The following IL17B variants were observed in gnomAD, a reference collection of about 807,000 sequenced individuals.
The protein encoded by IL17B is interleukin 17B, also known as interleukin-17B.
Under a neutral mutation model 14.7 loss-of-function variants are expected in IL17B, and 14 were observed. The observed-to-expected ratio is 0.95, with a 90% CI of 0.63 to 1.49. IL17B has a LOEUF of 1.49. Among genes scored for constraint, IL17B ranks in the 40% most tolerant of loss-of-function variants. IL17B has a pLI of 0.00. For missense variants in IL17B, 233 were observed against 252.8 expected, an observed-to-expected ratio of 0.92 and a Z score of 0.53; for synonymous variants, 105 against 94.8, an observed-to-expected ratio of 1.11 and a Z score of -0.62.
At chr5:149,387,402 A>G (rs1758846442) in intron 1 of IL17B, among the ~76,000 whole-genome samples, 1 of 152,224 alleles carries the variant, frequency 6.6e-6, no homozygotes, top group Non-Finnish European at 1.5e-5. Flanking sequence ...GTGTCCAGCC[A>G]AGGACCCACG....
intron 1 of IL17B, among the ~76,000 whole-genome samples, chr5:149,398,767 A>T (rs1347888960): frequency 4.6e-5 from 7 of 152,200 alleles, no homozygotes; most frequent in Admixed American, 2.6e-4. Context: ...TTTGCTGGGC[A>T]TGGTGGCAGG....
intron 1 of IL17B, among the ~76,000 whole-genome samples, chr5:149,390,630 C>CACACAGAGAG (rs1491235916): frequency 2.5e-4 from 33 of 132,080 alleles, no homozygotes; most frequent in Admixed American, 8.5e-4. Flanking sequence ...CACACACACA[C>CACACAGAGAG]AGAGATACAC....
In IL17B at chr5:149,374,377, T is replaced by C. The variant is rs774894146; in HGVS notation, c.535A>G (p.Ile179Val). Residue 179 changes from isoleucine to valine, a missense_variant, in exon 3 of 3, where the codon ATC (isoleucine) becomes GTC (valine). Transcript: ENST00000261796. The surrounding 1 kb of genome is among the most constrained non-coding windows in gnomAD (Gnocchi z 5.0). ...METIAVGCTC[I>V]F ...CTTCTGGGCCAGGTGATTCAGAAGA[T>C]GCAGGTGCAGCCCACAGCGATGGTC... is the stretch of plus-strand genomic sequence containing the variant. 6.4e-7 allele frequency: 1 copy of C among 1,571,196 alleles called. No individual in the cohort carries two copies.
intron 1 of IL17B, among the ~76,000 whole-genome samples, chr5:149,400,891 A>AAG (rs1334377880): frequency 6.6e-6 from 1 of 152,152 alleles, no homozygotes; most frequent in Non-Finnish European, 1.5e-5. Context: ...CCAGCTCAAG[A>AAG]AGAGAGAATT....
At chr5:149,376,459 A>G (rs1758538051) in intron 2 of IL17B, among the ~76,000 whole-genome samples, 1 of 152,250 alleles carries the variant, frequency 6.6e-6, no homozygotes, top group African/African-American at 2.4e-5. Flanking sequence ...AGGCACTTCC[A>G]TGGAGACTTG....
intron 1 of IL17B, among the ~76,000 whole-genome samples, chr5:149,400,595 C>T (rs926605902): frequency 6.6e-6 from 1 of 152,196 alleles, no homozygotes; most frequent in Non-Finnish European, 1.5e-5. Flanking sequence ...AGTGGAGCTC[C>T]CCCTCCAGAG....
rs75556495 is a variant in IL17B, at chr5:149,376,709, A to G, written c.311+27T>C. The stretch of plus-strand genomic sequence containing the variant: ...CAGGAAAGGTCCCCACCCCCCAAAG[A>G]CAGCTTGCCACCACTGCCCAGCCTA... On this transcript the variant is annotated intron_variant, in intron 2 of 2. Transcript: ENST00000261796. 1.6e-3 allele frequency: 2,559 copies of G among 1,575,034 alleles called. 51 individuals carry two copies. The East Asian group carries it at 0.047, about 29-fold the overall frequency.
At chr5:149,380,914 T>C (rs1221373086), upstream of IL17B, among the ~76,000 whole-genome samples, 1 of 152,216 alleles carries the variant, frequency 6.6e-6, no homozygotes, top group African/African-American at 2.4e-5. Flanking sequence ...GGCTCTATTC[T>C]ACCGTTGGAA....
intron 1 of IL17B, among the ~76,000 whole-genome samples, chr5:149,403,596 T>C (rs1759256959): frequency 6.6e-6 from 1 of 152,228 alleles, no homozygotes; most frequent in Non-Finnish European, 1.5e-5. Flanking sequence ...ATAAAATTGT[T>C]TCCCAACTGG....
rs534423128 is a variant in IL17B, at chr5:149,398,679, G to A, written n.95+5429C>T. ...CCCAGCACTTTGGGAGGTGGAGGTGGGCAGATCATCTGAGGTCAGGAGTTC... is the reference window on the plus strand; with the variant it reads ...CCCAGCACTTTGGGAGGTGGAGGTGAGCAGATCATCTGAGGTCAGGAGTTC... On this transcript the variant is annotated intron_variant and non_coding_transcript_variant, in intron 1 of 2. Coordinates refer to the IL17B transcript ENST00000505432. 2.6e-5 allele frequency among the ~76,000 whole-genome samples: 4 copies of A among 152,310 alleles called. No individual in the cohort carries two copies. The South Asian group carries it at 8.3e-4, about 32-fold the overall frequency.
intron 1 of IL17B, among the ~76,000 whole-genome samples, chr5:149,395,848 T>C (rs561818149): frequency 5.4e-4 from 82 of 152,284 alleles, no homozygotes; most frequent in African/African-American, 1.9e-3. Flanking sequence ...AATTTTTGTA[T>C]TTTTACTACA....
At chr5:149,400,569 G>A (rs887352236) in intron 1 of IL17B, among the ~76,000 whole-genome samples, 1 of 152,214 alleles carries the variant, frequency 6.6e-6, no homozygotes, top group African/African-American at 2.4e-5. Flanking sequence ...CTGCAGCAGT[G>A]TATTCTTCAC....
intron 1 of IL17B, among the ~76,000 whole-genome samples, chr5:149,385,346 ACT>A (rs1758803259): frequency 6.6e-6 from 1 of 150,656 alleles, no homozygotes; most frequent in African/African-American, 2.4e-5. Context: ...CAAGAATGAA[ACT>A]CCATCTCAGA....
At chr5:149,392,951 C>CGTGT (rs1222256851) in intron 1 of IL17B, among the ~76,000 whole-genome samples, 1 of 134,804 alleles carries the variant, frequency 7.4e-6, no homozygotes. Context: ...TGTGTGCGTG[C>CGTGT]GTGTGTGCGT....
At chr5:149,377,056 G>A in intron 1 of IL17B, 31 bp from the exon 2 acceptor site, 1 of 1,515,576 alleles carries the variant, frequency 6.6e-7, no homozygotes, top group Non-Finnish European at 8.8e-7. Flanking sequence ...TCAAAGGTGG[G>A]AGAGCCAAGT....
chr5:149,401,921 A>G (rs941876500), intron 1 of IL17B, among the ~76,000 whole-genome samples: 2 of 152,186 alleles, frequency 1.3e-5, no homozygotes, highest in Non-Finnish European at 2.9e-5. Flanking sequence ...TCTTTCACAC[A>G]TCGAACGGTG....
At chr5:149,390,419 C>T (rs770645282) in intron 1 of IL17B, among the ~76,000 whole-genome samples, 18 of 152,044 alleles carry the variant, frequency 1.2e-4, no homozygotes, top group Non-Finnish European at 2.4e-4. Flanking sequence ...GACTCTCCCA[C>T]GCCCAGATGC....
rs1759109120 is a variant in IL17B, at chr5:149,397,140, C to T, written n.95+6968G>A. 2.0e-5 allele frequency among the ~76,000 whole-genome samples: 3 copies of T among 152,276 alleles called. No homozygotes were observed. The South Asian group carries it at 6.2e-4, about 32-fold the overall frequency. On this transcript the variant is annotated intron_variant and non_coding_transcript_variant, in intron 1 of 2. Coordinates refer to the IL17B transcript ENST00000505432. Reference sequence around the variant, plus strand: ...GCCATTGCAATTAAGTGATATTCTGCTTTTGCAGCACCAATAACAACTCAT... The same window carrying T: ...GCCATTGCAATTAAGTGATATTCTGTTTTTGCAGCACCAATAACAACTCAT...
chr5:149,390,630 C>CACACACACACACAG lies in IL17B; in HGVS notation n.95+13477_95+13478insCTGTGTGTGTGTGT, dbSNP rs1491235916. ...ACACACACACACACACACACACACA[C>CACACACACACACAG]AGAGATACACAAGGCCCTCCAAGTC... On this transcript the variant is annotated intron_variant and non_coding_transcript_variant, in intron 1 of 2. Transcript: ENST00000505432. Among the ~76,000 whole-genome samples the CACACACACACACAG allele has an allele frequency of 8.3e-3, 1,091 of 131,960 alleles. 10 individuals are homozygous for CACACACACACACAG. The highest frequency in any genetic ancestry group is 0.016 in the East Asian group (70 of 4,378). 86.6% of individuals were successfully genotyped at this position (131,960 alleles called of 152,430 possible).
Sources: allele counts gnomAD v4.1 joint callset (sites outside exome capture counted in the v4.1 genomes callset), GRCh38; gene constraint gnomAD v4.1.1; non-coding constraint Gnocchi (gnomAD v3.1); transcripts MANE v1.5; gene names NCBI Gene and HGNC (gene_info 2026-07-23, HGNC 2026-07-21).